Variants in QTMAN observed in about 807,000 individuals in gnomAD.
The protein encoded by QTMAN is queuosine-tRNA mannosyltransferase.
the QTMAN span, chr2:143,943,789 G>A: frequency 6.6e-6 from 1 of 152,272 alleles, no homozygotes; most frequent in African/African-American, 2.4e-5. Context: ...TTTGAAGGAT[G>A]CTTATTAAAC....
At chr2:143,975,717 A>G in the QTMAN span, among the ~76,000 whole-genome samples, 1 of 152,190 alleles carries the variant, frequency 6.6e-6, no homozygotes, top group African/African-American at 2.4e-5. Flanking sequence ...GGTGGACCTT[A>G]AGATGTCTTG....
chr2:144,113,551 C>T, the QTMAN span, among the ~76,000 whole-genome samples: 1 of 152,204 alleles, frequency 6.6e-6, no homozygotes, highest in East Asian at 1.9e-4. Context: ...CAAAGAAATG[C>T]TGGCTGAAAA....
chr2:144,253,995 C>A, the QTMAN span, among the ~76,000 whole-genome samples: 1 of 152,240 alleles, frequency 6.6e-6, no homozygotes, highest in East Asian at 1.9e-4. Flanking sequence ...GAATTGGCGG[C>A]CTGTGTCCCA....
At chr2:143,977,719 TATC>T in the QTMAN span, among the ~76,000 whole-genome samples, 1 of 152,210 alleles carries the variant, frequency 6.6e-6, no homozygotes, top group African/African-American at 2.4e-5. Flanking sequence ...TTGAGATTTC[TATC>T]ATCATATTGA....
At chr2:144,199,488 C>A in the QTMAN span, among the ~76,000 whole-genome samples, 1 of 152,092 alleles carries the variant, frequency 6.6e-6, no homozygotes, top group Admixed American at 6.5e-5. Flanking sequence ...GCTAACATGA[C>A]AGTCAAATGC....
At chr2:144,006,732 T>C in the QTMAN span, 3 of 154,894 alleles carry the variant, frequency 1.9e-5, no homozygotes, top group South Asian at 2.0e-4. Flanking sequence ...ATACATCTTA[T>C]GACAAGTAAA....
the QTMAN span, among the ~76,000 whole-genome samples, chr2:144,100,596 T>C: frequency 1.3e-5 from 2 of 152,146 alleles, no homozygotes; most frequent in Non-Finnish European, 2.9e-5. Flanking sequence ...TCCTCTAAAA[T>C]ACACATTTTA....
chr2:144,141,395 T>C, the QTMAN span, among the ~76,000 whole-genome samples: 125 of 151,484 alleles, frequency 8.3e-4, no homozygotes, highest in African/African-American at 2.9e-3. Flanking sequence ...ATAGAAGACT[T>C]AACTCTTTAT....
At chr2:144,284,892 A>G in the QTMAN span, among the ~76,000 whole-genome samples, 3 of 151,664 alleles carry the variant, frequency 2.0e-5, no homozygotes, top group African/African-American at 7.3e-5. Context: ...GGCCAAGCAC[A>G]GAGGCTCACA....
chr2:144,172,817 A>G, the QTMAN span, among the ~76,000 whole-genome samples: 1 of 152,084 alleles, frequency 6.6e-6, no homozygotes, highest in African/African-American at 2.4e-5. Flanking sequence ...TGCCTTACCT[A>G]AGATATATGC....
At chr2:144,138,419 GA>G in the QTMAN span, among the ~76,000 whole-genome samples, 38 of 150,500 alleles carry the variant, frequency 2.5e-4, no homozygotes, top group African/African-American at 8.3e-4. Context: ...GGAATAAGGA[GA>G]AAAAAAAATT....
the QTMAN span, among the ~76,000 whole-genome samples, chr2:144,030,878 A>C: frequency 6.6e-6 from 1 of 152,166 alleles, no homozygotes; most frequent in Non-Finnish European, 1.5e-5. Flanking sequence ...TTGCAGTCAG[A>C]AAAGAAACCT....
the QTMAN span, among the ~76,000 whole-genome samples, chr2:144,290,173 C>G: frequency 6.6e-6 from 1 of 151,838 alleles, no homozygotes; most frequent in Non-Finnish European, 1.5e-5. Context: ...TCACTCTGAA[C>G]CTATTCTGGC....
At chr2:144,277,664 TC>T in the QTMAN span, among the ~76,000 whole-genome samples, 1 of 152,190 alleles carries the variant, frequency 6.6e-6, no homozygotes, top group Non-Finnish European at 1.5e-5. Context: ...ATTTTTTTTT[TC>T]TTTACTATAG....
the QTMAN span, among the ~76,000 whole-genome samples, chr2:144,166,300 G>A: frequency 6.6e-6 from 1 of 152,082 alleles, no homozygotes; most frequent in African/African-American, 2.4e-5. Context: ...TTAAGAATCG[G>A]TTGTCATTAC....
At chr2:143,953,085 C>T in the QTMAN span, among the ~76,000 whole-genome samples, 3 of 151,760 alleles carry the variant, frequency 2.0e-5, no homozygotes, top group Non-Finnish European at 3.0e-5. Context: ...AATCAAAGCG[C>T]AGCTCTGCAT....
At chr2:144,066,614 G>C in the QTMAN span, among the ~76,000 whole-genome samples, 11 of 152,138 alleles carry the variant, frequency 7.2e-5, no homozygotes, top group Non-Finnish European at 1.2e-4. Context: ...TCAGGAGTTC[G>C]AGACCAGCCT....
chr2:144,041,951 A>C, the QTMAN span, among the ~76,000 whole-genome samples: 1 of 152,166 alleles, frequency 6.6e-6, no homozygotes, highest in Non-Finnish European at 1.5e-5. Flanking sequence ...GAGAGGGGAC[A>C]AAAGCACTAG....
At chr2:144,228,707 C>T in the QTMAN span, among the ~76,000 whole-genome samples, 12 of 152,092 alleles carry the variant, frequency 7.9e-5, no homozygotes, top group African/African-American at 2.7e-4. Flanking sequence ...GCCTGCAATC[C>T]CAGCACTTTG....
Sources: gnomAD v4.1 joint callset for allele counts (sites outside exome capture counted in the v4.1 genomes callset) on GRCh38, gnomAD v4.1.1 for gene constraint, MANE v1.5 for transcripts, NCBI Gene and HGNC (gene_info 2026-07-23, HGNC 2026-07-21) for gene names.